Variants in CTTN observed in about 807,000 individuals in gnomAD.
The protein encoded by CTTN is src substrate cortactin.
In CTTN, 28 loss-of-function variants were observed where a neutral mutation model predicts 84.0. The observed-to-expected ratio is 0.33, with a 90% confidence interval of 0.25 to 0.46. The LOEUF (loss-of-function observed/expected upper bound fraction) is 0.46. CTTN is among the 20% of genes least tolerant of loss of function. CTTN has a pLI of 1.00. For missense variants in CTTN, 641 were observed against 723.8 expected (o/e 0.89, Z 1.31); for synonymous variants, 301 against 288.8 (o/e 1.04, Z -0.43).
chr11:70,434,768 G>A (rs1293966429), intron 17 of CTTN, among the ~76,000 whole-genome samples: 2 of 152,230 alleles, frequency 1.3e-5, no homozygotes, highest in Non-Finnish European at 2.9e-5. Context: ...GTGGAAACCT[G>A]CTCCTGAGGA....
intron 11 of CTTN, 83 bp from the exon 12 acceptor site, chr11:70,422,857 T>A: frequency 1.2e-6 from 2 of 1,603,448 alleles, no homozygotes; most frequent in Middle Eastern, 1.7e-4. Context: ...TTGGGCTGTT[T>A]CTGGATCTGT....
At chr11:70,426,656 C>T (rs963402284) in intron 13 of CTTN, among the ~76,000 whole-genome samples, 1 of 151,156 alleles carries the variant, frequency 6.6e-6, no homozygotes, top group Non-Finnish European at 1.5e-5. Flanking sequence ...GGACTCGGCT[C>T]ACTGCAAGCT....
At chr11:70,411,375 G>A (rs542664423) in intron 5 of CTTN, among the ~76,000 whole-genome samples, 62 of 136,924 alleles carry the variant, frequency 4.5e-4, no homozygotes, top group Middle Eastern at 3.5e-3. Flanking sequence ...TCAGTGCAGC[G>A]AGCGAAGCGT....
At position 70,429,151 on chromosome 11, in the gene CTTN, G is replaced by C. The variant is rs1375301236; in HGVS notation, c.1128G>C (p.Arg376=). The part of the protein sequence containing the change: ...RRKAEAERAQ[R]MAKERQEQEE... ...AGGCGGAGGCGGAGAGAGCCCAGCG[G>C]ATGGCCAAGGAGCGGCAGGAGCAGG... The change falls in exon 14 of 18, where the codon CGG becomes CGC. Residue 376 remains arginine, a synonymous_variant. Coordinates refer to ENST00000301843, the MANE Select transcript of CTTN (RefSeq NM_005231.4). The C allele has an allele frequency of 7.4e-6, 12 of 1,613,978 alleles. No homozygotes were observed. The South Asian group carries it at 1.3e-4, about 18-fold the overall frequency.
intron 12 of CTTN, 101 bp from the exon 13 acceptor site, chr11:70,425,231 T>G: frequency 1.1e-6 from 1 of 898,876 alleles, no homozygotes; most frequent in Non-Finnish European, 1.8e-6. Context: ...GCTGGGCCTT[T>G]GGGAAGATCT....
At chr11:70,405,724 G>A (rs1275412636) in intron 2 of CTTN, among the ~76,000 whole-genome samples, 1 of 152,214 alleles carries the variant, frequency 6.6e-6, no homozygotes, top group East Asian at 1.9e-4. Context: ...AAGATGAGCA[G>A]AGACTGTGCT....
intron 1 of CTTN, among the ~76,000 whole-genome samples, chr11:70,401,071 C>G (rs1456658507): frequency 6.6e-6 from 1 of 152,190 alleles, no homozygotes; most frequent in Non-Finnish European, 1.5e-5. Context: ...CGGTGGCTCA[C>G]ACCTGTAATC....
chr11:70,435,253 GTTTTTTTTTTTT>G lies in CTTN; in HGVS notation c.*105_*116del, dbSNP rs370623790. The G allele has an allele frequency of 9.5e-5, 89 of 938,806 alleles. No homozygotes were observed. In the African/African-American group the frequency reaches 9.9e-4, roughly 10 times the overall value. The allele number at this position is 938,806 out of a possible 1,614,324, so 58.2% of individuals were successfully genotyped here. ...TCTTGGGTGGTTTTGGGTTTTTTCT[GTTTTTTTTTTTT>G]TTTTTTTTTTTTTGAAGGTGGGGAG... On this transcript the variant is annotated 3_prime_UTR_variant, in exon 18 of 18. Transcript: ENST00000301843.
intron 12 of CTTN, 149 bp from the exon 13 acceptor site, chr11:70,425,183 A>C: frequency 1.7e-6 from 1 of 592,458 alleles, no homozygotes; most frequent in East Asian, 2.9e-5. Context: ...GTTAGTTTGC[A>C]AAACCGAGAG....
intron 13 of CTTN, among the ~76,000 whole-genome samples, chr11:70,427,295 G>A (rs545221077): frequency 2.0e-5 from 3 of 152,258 alleles, no homozygotes; most frequent in Admixed American, 1.3e-4. Flanking sequence ...GTCGCAGTGA[G>A]CCTTGATTGC....
chr11:70,426,359 G>A (rs867088252), intron 13 of CTTN, among the ~76,000 whole-genome samples: 1 of 151,250 alleles, frequency 6.6e-6, no homozygotes, highest in African/African-American at 2.4e-5. Flanking sequence ...TGCAGTGAGC[G>A]GAGTTTGCGC....
At position 70,436,533 on chromosome 11, in the gene CTTN, T is replaced by C; in HGVS notation, c.*1371T>C. ...CCTGTAGCACACCTCATAGGTATGA[T>C]TTTTTTAAATTAAAGAATTCAGAAT... On this transcript the variant is annotated 3_prime_UTR_variant, in exon 18 of 18. Transcript: ENST00000301843. The C allele has an allele frequency of 2.5e-6, 2 of 790,300 alleles. No individual in the cohort carries two copies. Among genetic ancestry groups the C allele is most frequent in the South Asian group, 3.5e-5 (2 of 57,316 alleles). The allele number at this position is 790,300 out of a possible 1,614,324, so 49.0% of individuals were successfully genotyped here. A position where few individuals can be genotyped will look rare whatever the true frequency, so the allele number is the denominator to read the frequency against.
rs2058218071 is a variant in CTTN, at chr11:70,420,395, T to C, written c.680-5T>C. On this transcript the variant is annotated splice_polypyrimidine_tract_variant and splice_region_variant and intron_variant, in intron 9 of 17. Transcript: ENST00000301843. ...ATGGGTTCTGGCCTTTCATTGTGCA[T>C]GTAGACTATGTGAAAGGGTTTGGAG... 1.2e-6 allele frequency: 2 copies of C among 1,605,176 alleles called. No homozygotes were observed. Among genetic ancestry groups the C allele is most frequent in the Non-Finnish European group, 1.7e-6 (2 of 1,171,762 alleles).
chr11:70,413,557 C>T (rs773298639), intron 5 of CTTN, among the ~76,000 whole-genome samples: 1 of 152,132 alleles, frequency 6.6e-6, no homozygotes, highest in Non-Finnish European at 1.5e-5. Context: ...GTCCCAGAGG[C>T]GTTATTTACA....
chr11:70,414,934 G>A (rs1046136268), intron 6 of CTTN, among the ~76,000 whole-genome samples: 5 of 152,180 alleles, frequency 3.3e-5, no homozygotes, highest in Admixed American at 1.3e-4. Flanking sequence ...AGCAGGGACC[G>A]TTTCCACCCG....
At chr11:70,409,985 C>T in intron 5 of CTTN, 25 bp downstream of exon 5, 1 of 1,613,318 alleles carries the variant, frequency 6.2e-7, no homozygotes, top group Non-Finnish European at 8.5e-7. Context: ...GCTGCCTATG[C>T]CAGGCTCCTG....
At chr11:70,401,804 A>G (rs544266176) in intron 1 of CTTN, among the ~76,000 whole-genome samples, 1 of 152,008 alleles carries the variant, frequency 6.6e-6, no homozygotes, top group South Asian at 2.1e-4. Context: ...TCTGCACTCT[A>G]GCCTGGGCCA....
intron 11 of CTTN, 24 bp from the exon 12 acceptor site, chr11:70,422,916 G>A (rs1158474374): frequency 2.5e-6 from 4 of 1,614,054 alleles, no homozygotes; most frequent in African/African-American, 2.7e-5. Context: ...CTCAGAGTAA[G>A]TGTTGTGTTT....
chr11:70,418,361 A>G (rs992766413), intron 8 of CTTN, among the ~76,000 whole-genome samples: 2 of 152,078 alleles, frequency 1.3e-5, no homozygotes, highest in Admixed American at 1.3e-4. Flanking sequence ...CCGACACCAC[A>G]CAGTTGTGAG....
Sources: allele counts gnomAD v4.1 joint callset (sites outside exome capture counted in the v4.1 genomes callset), GRCh38; gene constraint gnomAD v4.1.1; transcripts MANE v1.5; gene names NCBI Gene and HGNC (gene_info 2026-07-23, HGNC 2026-07-21).